The following FXR2 variants were observed in gnomAD, a reference collection of about 807,000 sequenced individuals.
The protein encoded by FXR2 is FMR1 autosomal homolog 2.
FXR2 carries 9 observed loss-of-function variants against 87.3 expected under a neutral mutation model. The observed-to-expected ratio is 0.10, with a 90% CI of 0.06 to 0.18. The LOEUF (loss-of-function observed/expected upper bound fraction) is 0.18. Among genes scored for constraint, FXR2 ranks in the 10% least tolerant of loss-of-function variants. The probability of loss-of-function intolerance (pLI) is 1.00; values close to 1 mark genes in which losing one functional copy is unlikely to be tolerated. For missense variants in FXR2, 661 were observed against 893.6 expected (o/e 0.74, Z 3.32); for synonymous variants, 331 against 328.3 (o/e 1.01, Z -0.09).
Position 7,594,013 on chromosome 17 carries a change from C to G in FXR2, c.1021-9G>C, listed in dbSNP as rs200426638. On this transcript the variant is annotated splice_polypyrimidine_tract_variant and intron_variant, in intron 10 of 16. Coordinates refer to ENST00000250113, the MANE Select transcript of FXR2 (RefSeq NM_004860.4). The surrounding 1 kb of genome is among the most constrained non-coding windows in gnomAD (Gnocchi z 5.1). Reference sequence around the variant, plus strand: ...ATGAAGGGAACCATTCCCTAGAGAACAGAGAGCAGAAACGATGGATCAGAA... The same window carrying G: ...ATGAAGGGAACCATTCCCTAGAGAAGAGAGAGCAGAAACGATGGATCAGAA... 16 of 1,546,300 alleles carry G rather than the reference C, an allele frequency of 1.0e-5. No individual in the cohort carries two copies. The African/African-American group carries it at 1.4e-4, about 13-fold the overall frequency.
At position 7,592,759 on chromosome 17, in the gene FXR2, T is replaced by A; in HGVS notation, c.1664A>T (p.Glu555Val). ...RRRSRRRRTD[E>V]DRTVMDGGLE... ...GCCTCCATCCATGACGGTCCTGTCTTCATCAGTGCGGCGGCGGCGGGAGCG... is the reference window on the plus strand; with the variant it reads ...GCCTCCATCCATGACGGTCCTGTCTACATCAGTGCGGCGGCGGCGGGAGCG... Residue 555 changes from glutamate (E) to valine (V), a missense_variant, in exon 14 of 17, where the codon GAA becomes GTA. Physicochemically the swap from Glu to Val is moderately radical, Grantham distance 121. Coordinates refer to ENST00000250113, the MANE Select transcript of FXR2 (RefSeq NM_004860.4). This position sits in a 1 kb window ranked among gnomAD's most constrained non-coding sequence, Gnocchi z 4.8. 1.9e-6 allele frequency: 3 copies of A among 1,612,974 alleles called. No homozygotes were observed. The highest frequency in any genetic ancestry group is 1.7e-6 in the Non-Finnish European group (2 of 1,179,616).
chr17:7,592,097 C>T lies in FXR2; in HGVS notation c.1926+157G>A. The stretch of plus-strand genomic sequence containing the variant: ...TGGGATCCAGAAAATGTGAACCACA[C>T]TTTCTTCTCTATCCTATTCAAAGTT... On this transcript the variant is annotated intron_variant, in intron 16 of 16. Coordinates refer to ENST00000250113, the MANE Select transcript of FXR2 (RefSeq NM_004860.4). The surrounding 1 kb of genome is among the most constrained non-coding windows in gnomAD (Gnocchi z 4.8). 1 of 1,462,498 alleles carries T rather than the reference C, an allele frequency of 6.8e-7. No individual in the cohort carries two copies. The highest frequency in any genetic ancestry group is 9.0e-7 in the Non-Finnish European group (1 of 1,105,862). The allele number at this position is 1,462,498 out of a possible 1,614,324, so 90.6% of individuals were successfully genotyped here.
intron 1 of FXR2, among the ~76,000 whole-genome samples, chr17:7,609,314 T>C (rs2071830169): frequency 6.6e-6 from 1 of 152,128 alleles, no homozygotes; most frequent in Non-Finnish European, 1.5e-5. Context: ...TTCCTTACGA[T>C]GGGAAAATCT....
rs1227546414 is a variant in FXR2 at position 7,594,107 on chromosome 17, G to A, written c.1021-103C>T. 1.1e-6 allele frequency: 1 copy of A among 920,200 alleles called. No homozygotes were observed. The highest frequency in any genetic ancestry group is 1.8e-6 in the Non-Finnish European group (1 of 558,564). 57.0% of individuals were successfully genotyped at this position (920,200 alleles called of 1,614,324 possible). On this transcript the variant is annotated intron_variant, in intron 10 of 16. Transcript: ENST00000250113. This position sits in a 1 kb window ranked among gnomAD's most constrained non-coding sequence, Gnocchi z 5.1. Reference sequence around the variant, plus strand: ...GGAGCCTGCCCAGTGGGATCATTCTGGGCTCTAAATCTACTAGTGTTAAAC... The same window carrying A: ...GGAGCCTGCCCAGTGGGATCATTCTAGGCTCTAAATCTACTAGTGTTAAAC...
rs1300997523 is a variant in FXR2 at position 7,591,977 on chromosome 17, A to G, written c.1927-52T>C. The G allele has an allele frequency of 4.3e-5, 55 of 1,276,652 alleles. No homozygotes were observed. The highest frequency in any genetic ancestry group is 5.8e-5 in the Non-Finnish European group (52 of 895,862). 79.1% of individuals were successfully genotyped at this position (1,276,652 alleles called of 1,614,324 possible). On this transcript the variant is annotated intron_variant, in intron 16 of 16. Coordinates refer to ENST00000250113, the MANE Select transcript of FXR2 (RefSeq NM_004860.4). The surrounding 1 kb of genome is among the most constrained non-coding windows in gnomAD (Gnocchi z 4.0). ...GAAAAGCAAGAAGCGGTGAGTAGAA[A>G]TTCAGGTGGGAGACATTCCCTACCA...
intron 1 of FXR2, among the ~76,000 whole-genome samples, chr17:7,607,784 T>A (rs1211879355): frequency 1.3e-5 from 2 of 152,162 alleles, no homozygotes; most frequent in East Asian, 3.9e-4. Flanking sequence ...CAATGTTTTT[T>A]AAATTTTTAA....
At chr17:7,605,922 TG>T in intron 2 of FXR2, 174 bp downstream of exon 2, 1 of 644,242 alleles carries the variant, frequency 1.6e-6, no homozygotes, top group Non-Finnish European at 2.7e-6. Flanking sequence ...CTGGGTCAAA[TG>T]CCCCCACCCT....
At chr17:7,606,248 G>A in intron 1 of FXR2, 99 bp from the exon 2 acceptor site, 1 of 751,058 alleles carries the variant, frequency 1.3e-6, no homozygotes, top group African/African-American at 1.7e-5. Flanking sequence ...TTAAACTTGA[G>A]TTTTAGATAG....
chr17:7,607,085 G>A (rs1317885393), intron 1 of FXR2, among the ~76,000 whole-genome samples: 2 of 152,146 alleles, frequency 1.3e-5, no homozygotes, highest in African/African-American at 2.4e-5. Context: ...TTGGGAGGAC[G>A]AGGCAGGCAG....
chr17:7,607,792 T>C (rs537512210), intron 1 of FXR2, among the ~76,000 whole-genome samples: 1 of 152,246 alleles, frequency 6.6e-6, no homozygotes, highest in East Asian at 1.9e-4. Context: ...TTTAAATTTT[T>C]AAATTCTTAT....
At position 7,591,930 on chromosome 17, in the gene FXR2, G is replaced by T. The variant is rs979585861; in HGVS notation, c.1927-5C>A. 2.0e-6 allele frequency: 3 copies of T among 1,528,904 alleles called. No individual in the cohort carries two copies. The highest frequency in any genetic ancestry group is 2.7e-6 in the Non-Finnish European group (3 of 1,105,512). 94.7% of individuals were successfully genotyped at this position (1,528,904 alleles called of 1,614,324 possible). ...AAGCTTGCTGACAGAGTCACCCTGAGGGGAAAGTGGGAAAGAAAACAGAAA... is the reference window on the plus strand; with the variant it reads ...AAGCTTGCTGACAGAGTCACCCTGATGGGAAAGTGGGAAAGAAAACAGAAA... On this transcript the variant is annotated splice_polypyrimidine_tract_variant and splice_region_variant and intron_variant, in intron 16 of 16. Transcript: ENST00000250113. This position sits in a 1 kb window ranked among gnomAD's most constrained non-coding sequence, Gnocchi z 4.0.
chr17:7,610,311 C>G (rs2071853185), intron 1 of FXR2, among the ~76,000 whole-genome samples: 1 of 152,094 alleles, frequency 6.6e-6, no homozygotes, highest in Non-Finnish European at 1.5e-5. Context: ...GGAAAAGAGA[C>G]AGAGATGAGA....
chr17:7,607,588 A>G (rs2071813635), intron 1 of FXR2, among the ~76,000 whole-genome samples: 1 of 151,330 alleles, frequency 6.6e-6, no homozygotes, highest in African/African-American at 2.4e-5. Context: ...CCACCACACC[A>G]GGCTAATTTT....
At position 7,595,147 on chromosome 17, in the gene FXR2, T is replaced by G. The variant is rs990803286; in HGVS notation, c.832-390A>C. ...AAAAAAATTAAACAAATAAATAACT[T>G]AAAAAAAAAAACAGAGGACCTTGGC... is the stretch of plus-strand genomic sequence containing the variant. On this transcript the variant is annotated intron_variant, in intron 8 of 16. Coordinates refer to ENST00000250113, the MANE Select transcript of FXR2 (RefSeq NM_004860.4). This position sits in a 1 kb window ranked among gnomAD's most constrained non-coding sequence, Gnocchi z 4.7. 1.4e-5 allele frequency among the ~76,000 whole-genome samples: 2 copies of G among 144,726 alleles called. No homozygotes were observed. The highest frequency in any genetic ancestry group is 5.1e-5 in the African/African-American group (2 of 39,380). The allele number at this position is 144,726 out of a possible 152,430, so 94.9% of individuals were successfully genotyped here. A position where few individuals can be genotyped will look rare whatever the true frequency, so the allele number is the denominator to read the frequency against.
Position 7,593,185 on chromosome 17 carries a change from A to ATGTGTCT in FXR2, c.1331-5_1331-4insAGACACA. The ATGTGTCT allele has an allele frequency of 6.6e-7, 1 of 1,514,994 alleles. No homozygotes were observed. Among genetic ancestry groups the ATGTGTCT allele is most frequent in the Non-Finnish European group, 8.8e-7 (1 of 1,132,546 alleles). 93.8% of individuals were successfully genotyped at this position (1,514,994 alleles called of 1,614,324 possible). A position where few individuals can be genotyped will look rare whatever the true frequency, so the allele number is the denominator to read the frequency against. On this transcript the variant is annotated splice_polypyrimidine_tract_variant and splice_region_variant and intron_variant, in intron 12 of 16. Transcript: ENST00000250113. The surrounding 1 kb of genome is among the most constrained non-coding windows in gnomAD (Gnocchi z 6.1). ...GTAGACACATCTGAGCTGGGGCCTG[A>ATGTGTCT]AGAACACAATGGGATTTATTCACGG...
At chr17:7,613,469 T>A (rs575268479) in intron 1 of FXR2, among the ~76,000 whole-genome samples, 1 of 152,232 alleles carries the variant, frequency 6.6e-6, no homozygotes, top group South Asian at 2.1e-4. Flanking sequence ...GGTGGTATTA[T>A]AAGGAGTTCT....
chr17:7,604,560 C>T (rs2071787067), intron 3 of FXR2, among the ~76,000 whole-genome samples: 2 of 151,706 alleles, frequency 1.3e-5, no homozygotes, highest in South Asian at 4.2e-4. Context: ...GGTGTGGTGC[C>T]ACATGCCTGT....
At chr17:7,608,677 T>C (rs79764412) in intron 1 of FXR2, among the ~76,000 whole-genome samples, 2,705 of 151,576 alleles carry the variant, frequency 0.018, 83 homozygotes, top group African/African-American at 0.06. Context: ...CTTAGCTGAA[T>C]TGAACTGCCT....
Position 7,595,375 on chromosome 17 carries a change from C to A in FXR2, c.831+449G>T, listed in dbSNP as rs1379868503. ...TGTACTGCAGCCTTGACTTTCCAGG[C>A]TCAAGTGATCCTCCTGCCTCCGCCT... On this transcript the variant is annotated intron_variant, in intron 8 of 16. Transcript: ENST00000250113. This position sits in a 1 kb window ranked among gnomAD's most constrained non-coding sequence, Gnocchi z 4.7. Among the ~76,000 whole-genome samples, 1 of 152,116 alleles carries A rather than the reference C, an allele frequency of 6.6e-6. No homozygotes were observed. Among genetic ancestry groups the A allele is most frequent in the Admixed American group, 6.6e-5 (1 of 15,250 alleles).
Sources: gnomAD v4.1 joint callset for allele counts (sites outside exome capture counted in the v4.1 genomes callset) on GRCh38, gnomAD v4.1.1 for gene constraint, Gnocchi (gnomAD v3.1) non-coding constraint, MANE v1.5 for transcripts, NCBI Gene and HGNC (gene_info 2026-07-23, HGNC 2026-07-21) for gene names.